Variants in SUV39H1 observed in about 807,000 individuals in gnomAD.
SUV39H1 encodes the protein histone-lysine N-methyltransferase SUV39H1.
For synonymous variants in SUV39H1, 141 were observed against 150.5 expected (o/e 0.94, Z 0.46); for missense variants, 180 against 386.3 (o/e 0.47, Z 4.48).
At chrX:48,699,928 C>G (rs913039975) in intron 2 of SUV39H1, among the ~76,000 whole-genome samples, 163 bp from the exon 3 acceptor site, 4 of 110,420 alleles carry the variant, frequency 3.6e-5, no homozygotes, top group Admixed American at 1.9e-4. Context: ...TAGTAATCCT[C>G]ACTCTAGAGC....
At chrX:48,704,835 G>A (rs782204044) in intron 3 of SUV39H1, among the ~76,000 whole-genome samples, 4 of 111,280 alleles carry the variant, frequency 3.6e-5, no homozygotes, top group Non-Finnish European at 7.6e-5. Context: ...CTACCCACCT[G>A]TGACCCCTGA....
At chrX:48,707,344 C>A in intron 5 of SUV39H1, 93 bp from the exon 6 acceptor site, 1 of 971,728 alleles carries the variant, frequency 1.0e-6, no homozygotes. Context: ...TCTAACAAGT[C>A]CCCTGCCTCC....
rs1234426392 is a variant in SUV39H1 at position 48,706,492 on chromosome X, G to T, written c.976-6G>T. On this transcript the variant is annotated splice_polypyrimidine_tract_variant and splice_region_variant and intron_variant, in intron 4 of 5. Transcript: ENST00000376687. ...CTCACTCTCCCAACTGTTCTTTCTC[G>T]CCCAGTGTGACCCCAACCTGCAGGT... 1 of 1,195,202 alleles carries T rather than the reference G, an allele frequency of 8.4e-7. No individual in the cohort carries two copies. The highest frequency in any genetic ancestry group is 1.7e-5 in the African/African-American group (1 of 57,151).
At chrX:48,706,721 GA>G in intron 5 of SUV39H1, 94 bp downstream of exon 5, 2 of 1,037,790 alleles carry the variant, frequency 1.9e-6, no homozygotes, top group Non-Finnish European at 2.6e-6. Context: ...GAGAACCAAG[GA>G]AAATTCTTTA....
At chrX:48,695,612 G>T, upstream of SUV39H1, 3 of 1,091,284 alleles carry the variant, frequency 2.7e-6, no homozygotes, top group Non-Finnish European at 3.6e-6. Context: ...TGGGTGCTCT[G>T]ACTGACTGAT....
Position 48,706,542 on chromosome X carries a change from T to G in SUV39H1, c.1020T>G (p.Leu340=). 8.3e-7 allele frequency: 1 copy of G among 1,204,879 alleles called. No individual in the cohort carries two copies. The highest frequency in any genetic ancestry group is 1.1e-6 in the Non-Finnish European group (1 of 891,925). ...TGTACAACGTCTTCATAGACAACCT[T>G]GACGAGCGGCTGCCCCGCATCGCTT... ...LQVYNVFIDN[L]DERLPRIAFF... Residue 340 remains leucine (L), a synonymous_variant, in exon 5 of 6, where the codon CTT becomes CTG. Coordinates refer to ENST00000376687, the MANE Select transcript of SUV39H1 (RefSeq NM_003173.4).
intron 1 of SUV39H1, among the ~76,000 whole-genome samples, chrX:48,697,376 G>C: frequency 9.0e-6 from 1 of 111,541 alleles, no homozygotes; most frequent in East Asian, 2.9e-4. Flanking sequence ...AGTTATGTTG[G>C]GGGGCCCCTC....
Position 48,707,659 on chromosome X carries a change from C to T in SUV39H1, c.*89C>T, listed in dbSNP as rs1415880426. 45 of 1,102,671 alleles carry T rather than the reference C, an allele frequency of 4.1e-5. No homozygotes were observed. The highest frequency in any genetic ancestry group is 4.7e-5 in the Non-Finnish European group (38 of 808,776). The allele number at this position is 1,102,671 out of a possible 1,213,427, so 90.9% of individuals were successfully genotyped here. On this transcript the variant is annotated 3_prime_UTR_variant, in exon 6 of 6. Coordinates refer to ENST00000376687, the MANE Select transcript of SUV39H1 (RefSeq NM_003173.4). ...CTGCCCTCCTGTCGAGAATGACTGC[C>T]AGGGCCTCGCCTGCCTCCACCTGCC...
rs782804211 is a variant in SUV39H1, at chrX:48,700,303, G to C, written c.378G>C (p.Arg126=). 5.8e-6 allele frequency: 7 copies of C among 1,207,298 alleles called. No homozygotes were observed. The highest frequency in any genetic ancestry group is 7.8e-6 in the Non-Finnish European group (7 of 893,458). The change falls in exon 3 of 6, where the codon CGG becomes CGC. Residue 126 remains arginine, a synonymous_variant. Transcript: ENST00000376687. ...TGGTGCAGAAGGCCAAGCAGAGGCG[G>C]GCGCTCCGTCGCTGGGAGCAGGAGC... The part of the protein sequence containing the change: ...NYLVQKAKQR[R]ALRRWEQELN...
chrX:48,700,835 G>A (rs1557009364), intron 3 of SUV39H1, 82 bp downstream of exon 3: 1 of 1,081,718 alleles, frequency 9.2e-7, no homozygotes. Flanking sequence ...CTCACTGTGT[G>A]TCTGAAACTC....
upstream of SUV39H1, chrX:48,696,476 A>C: frequency 4.1e-6 from 1 of 244,847 alleles, no homozygotes; most frequent in South Asian, 6.4e-5. Flanking sequence ...ACTGGCTGAT[A>C]ACGTGATTGG....
chrX:48,706,681 G>C, intron 5 of SUV39H1, 54 bp downstream of exon 5: 2 of 1,147,349 alleles, frequency 1.7e-6, no homozygotes, highest in Non-Finnish European at 2.3e-6. Context: ...GGGACACAAG[G>C]ACCCCTCCCA....
In SUV39H1 at chrX:48,707,246, C is replaced by G. The variant is rs782555310; in HGVS notation, c.1106-191C>G. Among the ~76,000 whole-genome samples the G allele has an allele frequency of 2.7e-5, 3 of 110,636 alleles. No individual in the cohort carries two copies. In the South Asian group the frequency reaches 1.2e-3, roughly 43 times the overall value. On this transcript the variant is annotated intron_variant, in intron 5 of 5. Coordinates refer to ENST00000376687, the MANE Select transcript of SUV39H1 (RefSeq NM_003173.4). Reference sequence around the variant, plus strand: ...AGCCCCAAACCACCAACCCTAAGATCTCCCAACTCAAATCCCAGAGTTGCT... The same window carrying G: ...AGCCCCAAACCACCAACCCTAAGATGTCCCAACTCAAATCCCAGAGTTGCT...
chrX:48,696,538 A>AGCTACCGCCGCTGTCGCTCCC (rs1220148728), upstream of SUV39H1: 20 of 309,934 alleles, frequency 6.5e-5, no homozygotes, highest in Non-Finnish European at 1.1e-4. Context: ...TGGCAACTTT[A>AGCTACCGCCGCTGTCGCTCCC]GCTACCGCCG....
At chrX:48,701,131 C>G (rs2062473961) in intron 3 of SUV39H1, among the ~76,000 whole-genome samples, 1 of 111,357 alleles carries the variant, frequency 9.0e-6, no homozygotes, top group African/African-American at 3.3e-5. Flanking sequence ...CACAAGGGCC[C>G]ATCTTATCAC....
At chrX:48,695,856 G>A (rs1557008458), upstream of SUV39H1, 6 of 1,156,164 alleles carry the variant, frequency 5.2e-6, no homozygotes, top group East Asian at 1.9e-4. Context: ...TGACAGACTG[G>A]CTGACCCACT....
intron 1 of SUV39H1, among the ~76,000 whole-genome samples, 175 bp from the exon 2 acceptor site, chrX:48,698,727 G>A (rs1557008999): frequency 8.9e-6 from 1 of 111,878 alleles, no homozygotes; most frequent in Non-Finnish European, 1.9e-5. Flanking sequence ...GAGTATTGGG[G>A]TTCAAAGCAC....
At chrX:48,696,569 G>T (rs2062456042), upstream of SUV39H1, 2 of 365,873 alleles carry the variant, frequency 5.5e-6, no homozygotes, top group Admixed American at 6.7e-5. Context: ...CGCTGCCGCC[G>T]CCGCCCAGAC....
intron 5 of SUV39H1, 58 bp from the exon 6 acceptor site, chrX:48,707,379 T>C: frequency 3.3e-6 from 2 of 604,055 alleles, no homozygotes; most frequent in Admixed American, 2.7e-5. Flanking sequence ...CCCTCCCTCC[T>C]TCTCCCCCTC....
Sources: allele counts gnomAD v4.1 joint callset (sites outside exome capture counted in the v4.1 genomes callset), GRCh38; gene constraint gnomAD v4.1.1; transcripts MANE v1.5; gene names NCBI Gene and HGNC (gene_info 2026-07-23, HGNC 2026-07-21).